Variants in SPOCK1 observed in about 807,000 individuals in gnomAD.
The protein encoded by SPOCK1 is testican-1.
A neutral mutation model predicts 55.3 loss-of-function variants in SPOCK1; 23 were observed. That is an observed-to-expected ratio of 0.42 (90% CI 0.30 to 0.59). The LOEUF (loss-of-function observed/expected upper bound fraction) is 0.59. Among genes scored for constraint, SPOCK1 ranks in the 20% least tolerant of loss-of-function variants. The probability of loss-of-function intolerance (pLI) is 0.22; values close to 1 mark genes in which losing one functional copy is unlikely to be tolerated. For synonymous variants in SPOCK1, 226 were observed against 221.0 expected (o/e 1.02, Z -0.20); for missense variants, 499 against 552.5 (o/e 0.90, Z 0.97).
intron 2 of SPOCK1, among the ~76,000 whole-genome samples, chr5:137,331,623 T>C (rs115013402): frequency 0.015 from 2,281 of 152,170 alleles, 53 homozygotes; most frequent in African/African-American, 0.051. Context: ...GGAATAGGCA[T>C]GTCACATGGT....
intron 3 of SPOCK1, among the ~76,000 whole-genome samples, chr5:137,164,782 A>G (rs1754617332): frequency 6.6e-6 from 1 of 151,746 alleles, no homozygotes; most frequent in Admixed American, 6.6e-5. Context: ...GCCTGGCAGT[A>G]CTCCCTGTGA....
At chr5:137,321,240 G>A (rs1221555700) in intron 2 of SPOCK1, among the ~76,000 whole-genome samples, 2 of 150,146 alleles carry the variant, frequency 1.3e-5, no homozygotes, top group African/African-American at 4.9e-5. Flanking sequence ...GACCTACTAT[G>A]GGACACCACA....
intron 2 of SPOCK1, among the ~76,000 whole-genome samples, chr5:137,386,486 G>A (rs1407674420): frequency 6.6e-6 from 1 of 152,276 alleles, no homozygotes; most frequent in African/African-American, 2.4e-5. Context: ...CCATAATCAA[G>A]ACAGCACATA....
At chr5:137,253,455 G>A (rs1410981993) in intron 3 of SPOCK1, among the ~76,000 whole-genome samples, 1 of 152,204 alleles carries the variant, frequency 6.6e-6, no homozygotes, top group African/African-American at 2.4e-5. Flanking sequence ...TAGGCAGGCT[G>A]TTTGAGGAAA....
chr5:137,295,425 G>A (rs887860487), intron 2 of SPOCK1, among the ~76,000 whole-genome samples: 2 of 152,230 alleles, frequency 1.3e-5, no homozygotes, highest in Non-Finnish European at 2.9e-5. Context: ...CCTGGAAACA[G>A]AGATGAGCAT....
At chr5:137,192,236 A>C (rs912069924) in intron 3 of SPOCK1, among the ~76,000 whole-genome samples, 2 of 147,138 alleles carry the variant, frequency 1.4e-5, no homozygotes, top group African/African-American at 5.2e-5. Flanking sequence ...CTGTCTCAAA[A>C]AAAAAAAAAA....
At position 137,383,860 on chromosome 5, in the gene SPOCK1, T is replaced by G. The variant is rs1751534734; in HGVS notation, c.186+114513A>C. Among the ~76,000 whole-genome samples the G allele has an allele frequency of 1.3e-5, 2 of 152,198 alleles. 1 individual carries two copies. The highest frequency in any genetic ancestry group is 4.8e-5 in the African/African-American group (2 of 41,440). On this transcript the variant is annotated intron_variant, in intron 2 of 10. Transcript: ENST00000394945. The stretch of plus-strand genomic sequence containing the variant: ...TGGGGAGTCCTGAATCATTTGCAAT[T>G]TAAAATGAAGCTCCCGGTAAAACTC...
At chr5:137,034,176 C>T (rs1006254262) in intron 6 of SPOCK1, among the ~76,000 whole-genome samples, 1 of 152,198 alleles carries the variant, frequency 6.6e-6, no homozygotes, top group East Asian at 1.9e-4. Flanking sequence ...TCAGGGTCTA[C>T]CATGCAGTAA....
At chr5:137,178,863 C>A in intron 3 of SPOCK1, among the ~76,000 whole-genome samples, 1 of 152,130 alleles carries the variant, frequency 6.6e-6, no homozygotes, top group Non-Finnish European at 1.5e-5. Flanking sequence ...CCACTATATC[C>A]CCTGGGATAG....
intron 2 of SPOCK1, among the ~76,000 whole-genome samples, chr5:137,452,815 T>C (rs1753283661): frequency 6.6e-6 from 1 of 152,196 alleles, no homozygotes; most frequent in Non-Finnish European, 1.5e-5. Context: ...CTATCAGCTC[T>C]ATGAGGGCCC....
At chr5:137,442,452 C>T (rs1369606770) in intron 2 of SPOCK1, among the ~76,000 whole-genome samples, 1 of 152,174 alleles carries the variant, frequency 6.6e-6, no homozygotes, top group Non-Finnish European at 1.5e-5. Context: ...AGTATTGTTT[C>T]TGCACTGGTG....
intron 3 of SPOCK1, among the ~76,000 whole-genome samples, chr5:137,179,381 C>T (rs1280621875): frequency 3.3e-5 from 5 of 152,114 alleles, no homozygotes; most frequent in African/African-American, 1.2e-4. Flanking sequence ...GGACATAATG[C>T]TACCAATTAG....
At chr5:137,220,931 C>T (rs191424288) in intron 3 of SPOCK1, among the ~76,000 whole-genome samples, 1 of 152,252 alleles carries the variant, frequency 6.6e-6, no homozygotes, top group African/African-American at 2.4e-5. Flanking sequence ...GACTTTATAT[C>T]CATGTTTTCA....
intron 6 of SPOCK1, among the ~76,000 whole-genome samples, chr5:137,067,408 G>C (rs534522709): frequency 2.9e-4 from 44 of 152,264 alleles, no homozygotes. Flanking sequence ...AGACTAAGAT[G>C]TACCCCAGGG....
chr5:137,498,295 CA>C, intron 2 of SPOCK1, 77 bp downstream of exon 2: 11 of 1,390,044 alleles, frequency 7.9e-6, no homozygotes, highest in South Asian at 1.5e-5. Context: ...CACACACACA[CA>C]CACACCCCAA....
chr5:137,470,520 G>A (rs995832450), intron 2 of SPOCK1, among the ~76,000 whole-genome samples: 1 of 152,086 alleles, frequency 6.6e-6, no homozygotes, highest in Non-Finnish European at 1.5e-5. Context: ...ATCTGGAAAG[G>A]CTTCTGAAGG....
At chr5:137,165,981 T>C (rs1227900973) in intron 3 of SPOCK1, among the ~76,000 whole-genome samples, 5 of 152,096 alleles carry the variant, frequency 3.3e-5, no homozygotes, top group African/African-American at 1.2e-4. Context: ...GAGAAAGAGA[T>C]AGGGGTAGAA....
chr5:137,179,665 G>A (rs1418919619), intron 3 of SPOCK1, among the ~76,000 whole-genome samples: 1 of 152,138 alleles, frequency 6.6e-6, no homozygotes, highest in Non-Finnish European at 1.5e-5. Flanking sequence ...CAGAGATTGA[G>A]GGGAACTCAT....
At chr5:137,315,837 C>A (rs1397892313) in intron 2 of SPOCK1, among the ~76,000 whole-genome samples, 3 of 152,130 alleles carry the variant, frequency 2.0e-5, no homozygotes, top group Non-Finnish European at 4.4e-5. Context: ...CCTATGAATC[C>A]CCAGGAGATC....
Sources: allele counts gnomAD v4.1 joint callset (sites outside exome capture counted in the v4.1 genomes callset), GRCh38; gene constraint gnomAD v4.1.1; transcripts MANE v1.5; gene names NCBI Gene and HGNC (gene_info 2026-07-23, HGNC 2026-07-21).